Variants in ASIC2 observed in about 807,000 individuals in gnomAD.
ASIC2 encodes the protein acid sensing ion channel subunit 2.
In ASIC2, 25 loss-of-function variants were observed where a neutral mutation model predicts 57.3. The observed-to-expected ratio is 0.44, with a 90% confidence interval of 0.32 to 0.61. The LOEUF is 0.61. ASIC2 is among the 20% of genes least tolerant of loss of function. The pLI is 0.06. For synonymous variants in ASIC2, 319 were observed against 307.5 expected (o/e 1.04, Z -0.39); for missense variants, 641 against 738.1 (o/e 0.87, Z 1.52).
At chr17:33,535,649 A>G (rs1458373677) in intron 1 of ASIC2, among the ~76,000 whole-genome samples, 3 of 152,174 alleles carry the variant, frequency 2.0e-5, no homozygotes, top group Non-Finnish European at 4.4e-5. Context: ...GCCTCCTGCC[A>G]ATAGACATTA....
intron 1 of ASIC2, among the ~76,000 whole-genome samples, chr17:33,578,686 C>G (rs1020815118): frequency 6.6e-6 from 1 of 152,176 alleles, no homozygotes; most frequent in South Asian, 2.1e-4. Context: ...CCTCCTCTTC[C>G]CTACACCAAC....
chr17:33,203,269 C>T (rs908337177), intron 1 of ASIC2, among the ~76,000 whole-genome samples: 9 of 152,302 alleles, frequency 5.9e-5, no homozygotes, highest in South Asian at 4.1e-4. Flanking sequence ...CTGCCTCTGG[C>T]GCATAATAAT....
At position 33,444,756 on chromosome 17, in the gene ASIC2, A is replaced by G. The variant is rs140458881; in HGVS notation, c.556-332689T>C. The stretch of plus-strand genomic sequence containing the variant: ...TGTCAGCCTCTGGAAGAGAGCTACT[A>G]AGCAGTGATCACAGCTCACCCCTAG... On this transcript the variant is annotated intron_variant, in intron 1 of 9. Transcript: ENST00000359872. 1.9e-4 allele frequency among the ~76,000 whole-genome samples: 29 copies of G among 152,322 alleles called. No homozygotes were observed. The East Asian group carries it at 5.4e-3, about 28-fold the overall frequency.
chr17:33,087,639 G>A (rs1567739803), intron 3 of ASIC2, among the ~76,000 whole-genome samples: 1 of 142,142 alleles, frequency 7.0e-6, no homozygotes, highest in Non-Finnish European at 1.5e-5. Flanking sequence ...GGGCAGTGGT[G>A]CAATCTCAGC....
In ASIC2 at chr17:33,223,010, G is replaced by A. The variant is rs79938752; in HGVS notation, c.708+68398C>T. Among the ~76,000 whole-genome samples, 1,579 of 152,092 alleles carry A rather than the reference G, an allele frequency of 0.01. 61 individuals carry two copies. In the East Asian group the frequency reaches 0.14, roughly 13 times the overall value. ...AGTCAGGTTCACATCAGGGAGCCGG[G>A]TTCATACTAGGAAATCAGATTCTCA... is the stretch of plus-strand genomic sequence containing the variant. On this transcript the variant is annotated intron_variant, in intron 1 of 9. Coordinates refer to ENST00000225823, the MANE Select transcript of ASIC2 (RefSeq NM_183377.2).
chr17:33,602,923 C>T (rs972598958), intron 1 of ASIC2, among the ~76,000 whole-genome samples: 2 of 152,236 alleles, frequency 1.3e-5, no homozygotes, highest in Admixed American at 6.5e-5. Flanking sequence ...CCAGAGCCCA[C>T]TCTAGAATCC....
rs866523376 is a variant in ASIC2, at chr17:33,308,814, G to A, written c.556-196747C>T. ...GAATCACTTTCATAATTAAGGTAAA[G>A]TGCCTTTTTTTGTGAAAAAAAAGAT... On this transcript the variant is annotated intron_variant, in intron 1 of 9. Coordinates refer to the ASIC2 transcript ENST00000359872. Among the ~76,000 whole-genome samples, 7 of 151,922 alleles carry A rather than the reference G, an allele frequency of 4.6e-5. No homozygotes were observed. The South Asian group carries it at 1.5e-3, about 32-fold the overall frequency.
chr17:33,528,663 A>G (rs1914961165), intron 1 of ASIC2, among the ~76,000 whole-genome samples: 1 of 152,180 alleles, frequency 6.6e-6, no homozygotes, highest in Admixed American at 6.5e-5. Flanking sequence ...AGAAAAAAGC[A>G]AAAGACAAGG....
chr17:34,073,736 G>C (rs773816437), intron 1 of ASIC2, among the ~76,000 whole-genome samples: 99 of 152,282 alleles, frequency 6.5e-4, no homozygotes, highest in South Asian at 2.5e-3. Context: ...CACTCAGCTT[G>C]TCTATCTAGA....
intron 1 of ASIC2, among the ~76,000 whole-genome samples, chr17:33,574,888 G>T (rs1005210454): frequency 5.3e-5 from 8 of 150,000 alleles, no homozygotes; most frequent in Non-Finnish European, 1.5e-5. Flanking sequence ...CAAGATATGT[G>T]TTAATATTCA....
At chr17:34,116,310 T>G (rs766279068) in intron 1 of ASIC2, among the ~76,000 whole-genome samples, 1 of 152,176 alleles carries the variant, frequency 6.6e-6, no homozygotes, top group South Asian at 2.1e-4. Context: ...GGAACAATAA[T>G]GTCTCCCTCC....
At chr17:33,111,008 C>T (rs2092255994) in intron 2 of ASIC2, among the ~76,000 whole-genome samples, 1 of 152,176 alleles carries the variant, frequency 6.6e-6, no homozygotes, top group African/African-American at 2.4e-5. Flanking sequence ...GTCTTGGGCA[C>T]CTCTTTACCT....
chr17:33,470,538 G>C (rs533836110), intron 1 of ASIC2, among the ~76,000 whole-genome samples: 1 of 152,314 alleles, frequency 6.6e-6, no homozygotes, highest in South Asian at 2.1e-4. Flanking sequence ...GGGGTCTGGA[G>C]TGAGGCCTGA....
intron 1 of ASIC2, among the ~76,000 whole-genome samples, chr17:33,674,363 C>G (rs74347571): frequency 0.012 from 1,826 of 152,316 alleles, 51 homozygotes; most frequent in African/African-American, 0.041. Flanking sequence ...AACTCACCCT[C>G]ATTCATTCCC....
intron 1 of ASIC2, among the ~76,000 whole-genome samples, chr17:33,262,392 A>G (rs910498641): frequency 2.0e-5 from 3 of 150,126 alleles, no homozygotes; most frequent in African/African-American, 7.3e-5. Context: ...GAAGAAAGGA[A>G]GAAAGGAGGG....
intron 1 of ASIC2, among the ~76,000 whole-genome samples, chr17:33,592,621 G>T (rs1360549273): frequency 6.6e-6 from 1 of 152,248 alleles, no homozygotes; most frequent in African/African-American, 2.4e-5. Flanking sequence ...AATTAGCTCT[G>T]TGTACGTGGT....
At chr17:33,857,904 G>A (rs1914004631) in intron 1 of ASIC2, among the ~76,000 whole-genome samples, 2 of 152,234 alleles carry the variant, frequency 1.3e-5, no homozygotes, top group Admixed American at 1.3e-4. Flanking sequence ...AACAGGACAT[G>A]GACCAAGACC....
At chr17:34,110,156 A>G (rs1911217220) in intron 1 of ASIC2, among the ~76,000 whole-genome samples, 1 of 152,214 alleles carries the variant, frequency 6.6e-6, no homozygotes, top group Non-Finnish European at 1.5e-5. Flanking sequence ...GAAAATCAAG[A>G]ACAACCTTAA....
At chr17:33,649,489 T>C (rs1191855254) in intron 1 of ASIC2, among the ~76,000 whole-genome samples, 1 of 152,252 alleles carries the variant, frequency 6.6e-6, no homozygotes, top group East Asian at 1.9e-4. Flanking sequence ...ATGCAATTTC[T>C]ATGAAAATCC....
Sources: allele counts gnomAD v4.1 joint callset (sites outside exome capture counted in the v4.1 genomes callset), GRCh38; gene constraint gnomAD v4.1.1; transcripts MANE v1.5; gene names NCBI Gene and HGNC (gene_info 2026-07-23, HGNC 2026-07-21).